STX11: variants seen among roughly 807,000 people sequenced by gnomAD.
STX11 encodes the protein syntaxin-11.
A neutral mutation model predicts 19.9 loss-of-function variants in STX11; 21 were observed. That is an observed-to-expected ratio of 1.06 (90% CI 0.75 to 1.52). The LOEUF is 1.52. Among genes scored for constraint, STX11 ranks in the 40% most tolerant of loss-of-function variants. The probability of loss-of-function intolerance (pLI) is 0.00; values close to 1 mark genes in which losing one functional copy is unlikely to be tolerated. For synonymous variants in STX11, 193 were observed against 174.4 expected (o/e 1.11, Z -0.84); for missense variants, 438 against 405.9 (o/e 1.08, Z -0.68).
upstream of STX11, among the ~76,000 whole-genome samples, chr6:144,146,348 A>G (rs771221050): frequency 1.3e-5 from 2 of 152,232 alleles, no homozygotes; most frequent in Non-Finnish European, 2.9e-5. This position sits in a 1 kb window ranked among gnomAD's most constrained non-coding sequence, Gnocchi z 4.4. Context: ...GGGAGAGCCA[A>G]GGTCTCCAGA....
chr6:144,179,401 T>C (rs1354913156), intron 1 of STX11, among the ~76,000 whole-genome samples: 2 of 152,184 alleles, frequency 1.3e-5, no homozygotes, highest in Non-Finnish European at 2.9e-5. Context: ...TTTTACTCAG[T>C]TGAGTGAAAT....
At position 144,160,547 on chromosome 6, in the gene STX11, T is replaced by C. The variant is rs1306710775; in HGVS notation, c.-6+9844T>C. Reference sequence around the variant, plus strand: ...GTAAGAACCTATTTCTTGTTTAACCTGACATCACAAAGCAAATAGGCCAAG... The same window carrying C: ...GTAAGAACCTATTTCTTGTTTAACCCGACATCACAAAGCAAATAGGCCAAG... On this transcript the variant is annotated intron_variant, in intron 1 of 1. Coordinates refer to ENST00000367568, the MANE Select transcript of STX11 (RefSeq NM_003764.4). The surrounding 1 kb of genome is among the most constrained non-coding windows in gnomAD (Gnocchi z 4.3). Among the ~76,000 whole-genome samples the C allele has an allele frequency of 6.6e-6, 1 of 152,222 alleles. No individual in the cohort carries two copies. The highest frequency in any genetic ancestry group is 1.9e-4 in the East Asian group (1 of 5,204).
chr6:144,182,518 C>T lies in STX11; in HGVS notation c.-5-4105C>T, dbSNP rs1390436495. Among the ~76,000 whole-genome samples the T allele has an allele frequency of 6.6e-6, 1 of 152,154 alleles. No individual in the cohort carries two copies. The highest frequency in any genetic ancestry group is 2.4e-5 in the African/African-American group (1 of 41,434). On this transcript the variant is annotated intron_variant, in intron 1 of 1. Coordinates refer to ENST00000367568, the MANE Select transcript of STX11 (RefSeq NM_003764.4). The surrounding 1 kb of genome is among the most constrained non-coding windows in gnomAD (Gnocchi z 4.8). ...TTGCGCCTTCACATGAGCTTGGGCC[C>T]TTACCTGATTTATAATTTGCTATCT...
At position 144,176,798 on chromosome 6, in the gene STX11, T is replaced by C. The variant is rs113774057; in HGVS notation, c.-5-9825T>C. On this transcript the variant is annotated intron_variant, in intron 1 of 1. Transcript: ENST00000367568. This position sits in a 1 kb window ranked among gnomAD's most constrained non-coding sequence, Gnocchi z 4.1. Reference sequence around the variant, plus strand: ...CCCTGTTTTTTAAAAAGCAAGGAAGTGTGTCCAGGCATTTTAGAAGAGGAT... The same window carrying C: ...CCCTGTTTTTTAAAAAGCAAGGAAGCGTGTCCAGGCATTTTAGAAGAGGAT... Among the ~76,000 whole-genome samples the C allele has an allele frequency of 0.015, 2,259 of 152,236 alleles. 46 individuals carry two copies. The highest frequency in any genetic ancestry group is 0.049 in the African/African-American group (2,051 of 41,536).
intron 1 of STX11, among the ~76,000 whole-genome samples, chr6:144,166,198 G>A (rs554094859): frequency 2.0e-5 from 3 of 152,324 alleles, no homozygotes; most frequent in Admixed American, 6.5e-5. Context: ...GGTGGTGGGG[G>A]TGAGGGGAAT....
chr6:144,156,024 C>CTCCTTCCTTCCTTCCT lies in STX11; in HGVS notation c.-6+5333_-6+5348dup, dbSNP rs1240238433. Reference sequence around the variant, plus strand: ...TTTCTTTCTTTCTTTCTCTCTTTCTCTCCTTCCTTCCTTCCTTCCTTCCTT... The same window carrying CTCCTTCCTTCCTTCCT: ...TTTCTTTCTTTCTTTCTCTCTTTCTCTCCTTCCTTCCTTCCTTCCTTCCTTCCTTCCTTCCTTCCTT... On this transcript the variant is annotated intron_variant, in intron 1 of 1. Coordinates refer to ENST00000367568, the MANE Select transcript of STX11 (RefSeq NM_003764.4). 9.7e-5 allele frequency among the ~76,000 whole-genome samples: 10 copies of CTCCTTCCTTCCTTCCT among 102,848 alleles called. 1 individual carries two copies. Among genetic ancestry groups the CTCCTTCCTTCCTTCCT allele is most frequent in the African/African-American group, 4.7e-4 (8 of 16,988 alleles). 67.5% of individuals were successfully genotyped at this position (102,848 alleles called of 152,430 possible). A position where few individuals can be genotyped will look rare whatever the true frequency, so the allele number is the denominator to read the frequency against.
rs1230574378 is a variant in STX11, at chr6:144,184,408, G to A, written c.-5-2215G>A. Among the ~76,000 whole-genome samples, 1 of 152,140 alleles carries A rather than the reference G, an allele frequency of 6.6e-6. No homozygotes were observed. Among genetic ancestry groups the A allele is most frequent in the Non-Finnish European group, 1.5e-5 (1 of 68,016 alleles). On this transcript the variant is annotated intron_variant, in intron 1 of 1. Transcript: ENST00000367568. This position sits in a 1 kb window ranked among gnomAD's most constrained non-coding sequence, Gnocchi z 6.5. ...GTCACCATTCTGACTGGCATGAGAT[G>A]GAATTACCAGTATGTTTTGAGAGTT...
rs1030845886 is a variant in STX11, at chr6:144,177,833, G to T, written c.-5-8790G>T. On this transcript the variant is annotated intron_variant, in intron 1 of 1. Transcript: ENST00000367568. This position sits in a 1 kb window ranked among gnomAD's most constrained non-coding sequence, Gnocchi z 4.4. Reference sequence around the variant, plus strand: ...CTGACTGTAAAATTTACATCTCCAAGTGTCTGTATTCTGTTATTTCAGAGA... The same window carrying T: ...CTGACTGTAAAATTTACATCTCCAATTGTCTGTATTCTGTTATTTCAGAGA... Among the ~76,000 whole-genome samples the T allele has an allele frequency of 6.6e-6, 1 of 152,166 alleles. No homozygotes were observed. The highest frequency in any genetic ancestry group is 1.9e-4 in the East Asian group (1 of 5,190).
chr6:144,144,703 G>A, the STX11 span, among the ~76,000 whole-genome samples: 2 of 152,136 alleles, frequency 1.3e-5, no homozygotes, highest in Non-Finnish European at 2.9e-5. Flanking sequence ...GATTTAATTA[G>A]CCATATGTGG....
chr6:144,182,980 A>G lies in STX11; in HGVS notation c.-5-3643A>G, dbSNP rs939923752. 4.6e-5 allele frequency among the ~76,000 whole-genome samples: 7 copies of G among 152,256 alleles called. No individual in the cohort carries two copies. Among genetic ancestry groups the G allele is most frequent in the Middle Eastern group, 3.2e-3 (1 of 316 alleles). ...GCAAACTAGCTAATGTGCTTTCCCC[A>G]GGTAGCATAAAATGTTAACTTGATT... is the stretch of plus-strand genomic sequence containing the variant. On this transcript the variant is annotated intron_variant, in intron 1 of 1. Transcript: ENST00000367568. The surrounding 1 kb of genome is among the most constrained non-coding windows in gnomAD (Gnocchi z 4.8).
chr6:144,146,630 G>A (rs1800878857), upstream of STX11, among the ~76,000 whole-genome samples: 1 of 151,982 alleles, frequency 6.6e-6, no homozygotes, highest in Non-Finnish European at 1.5e-5. This position sits in a 1 kb window ranked among gnomAD's most constrained non-coding sequence, Gnocchi z 4.4. Context: ...TAATTTCATT[G>A]ATAAAATATG....
Position 144,155,250 on chromosome 6 carries a change from A to G in STX11, c.-6+4547A>G, listed in dbSNP as rs1801106382. Among the ~76,000 whole-genome samples the G allele has an allele frequency of 6.6e-6, 1 of 152,206 alleles. No individual in the cohort carries two copies. Among genetic ancestry groups the G allele is most frequent in the Admixed American group, 6.5e-5 (1 of 15,276 alleles). On this transcript the variant is annotated intron_variant, in intron 1 of 1. Coordinates refer to ENST00000367568, the MANE Select transcript of STX11 (RefSeq NM_003764.4). This position sits in a 1 kb window ranked among gnomAD's most constrained non-coding sequence, Gnocchi z 4.5. Reference sequence around the variant, plus strand: ...CCCAATTAATGTTGTACCCAAACTGAATCAGCAAACTCACTTATTGAAGCT... The same window carrying G: ...CCCAATTAATGTTGTACCCAAACTGGATCAGCAAACTCACTTATTGAAGCT...
chr6:144,160,191 G>C lies in STX11; in HGVS notation c.-6+9488G>C, dbSNP rs897412319. ...CTAATTTTTGTATTTTTTTAGTAGA[G>C]ACGGGGTTTCACTATATTTGGCCAG... is the stretch of plus-strand genomic sequence containing the variant. On this transcript the variant is annotated intron_variant, in intron 1 of 1. Transcript: ENST00000367568. This position sits in a 1 kb window ranked among gnomAD's most constrained non-coding sequence, Gnocchi z 4.3. Among the ~76,000 whole-genome samples, 16 of 152,070 alleles carry C rather than the reference G, an allele frequency of 1.1e-4. No homozygotes were observed. Among genetic ancestry groups the C allele is most frequent in the African/African-American group, 3.6e-4 (15 of 41,398 alleles).
Position 144,169,634 on chromosome 6 carries a change from T to A in STX11, c.-5-16989T>A, listed in dbSNP as rs979108526. ...TTTCCTCCCTCCTCCCCTTCCTTTT[T>A]TCTCTCCTTTTCTTTTCCCTCCCTC... On this transcript the variant is annotated intron_variant, in intron 1 of 1. Transcript: ENST00000367568. This position sits in a 1 kb window ranked among gnomAD's most constrained non-coding sequence, Gnocchi z 5.2. Among the ~76,000 whole-genome samples, 2 of 151,964 alleles carry A rather than the reference T, an allele frequency of 1.3e-5. No homozygotes were observed. Among genetic ancestry groups the A allele is most frequent in the African/African-American group, 4.8e-5 (2 of 41,368 alleles).
In STX11 at chr6:144,155,970, CTT is replaced by C. The variant is rs1256499306; in HGVS notation, c.-6+5269_-6+5270del. On this transcript the variant is annotated intron_variant, in intron 1 of 1. Transcript: ENST00000367568. This position sits in a 1 kb window ranked among gnomAD's most constrained non-coding sequence, Gnocchi z 4.5. ...TCTTTCTTTCTTTCTTTCTTTCTTTCTTTCTTTCTTTCTTTCTTTCTTTCTTT... is the reference window on the plus strand; with the variant it reads ...TCTTTCTTTCTTTCTTTCTTTCTTTCTCTTTCTTTCTTTCTTTCTTTCTTT... Among the ~76,000 whole-genome samples, 159 of 128,918 alleles carry C rather than the reference CTT, an allele frequency of 1.2e-3. 2 individuals carry two copies. The highest frequency in any genetic ancestry group is 2.0e-3 in the Non-Finnish European group (130 of 65,768). 84.6% of individuals were successfully genotyped at this position (128,918 alleles called of 152,430 possible).
At chr6:144,179,692 T>C (rs1334001319) in intron 1 of STX11, among the ~76,000 whole-genome samples, 1 of 152,234 alleles carries the variant, frequency 6.6e-6, no homozygotes, top group Non-Finnish European at 1.5e-5. Context: ...ATGCATGCCC[T>C]TGGGCAGGGC....
chr6:144,181,237 C>T (rs988620463), intron 1 of STX11, among the ~76,000 whole-genome samples: 4 of 152,046 alleles, frequency 2.6e-5, no homozygotes, highest in Admixed American at 6.6e-5. Context: ...TTTTGCTCAT[C>T]GAGATTGCCC....
chr6:144,155,209 T>C lies in STX11; in HGVS notation c.-6+4506T>C, dbSNP rs1022053107. On this transcript the variant is annotated intron_variant, in intron 1 of 1. Coordinates refer to ENST00000367568, the MANE Select transcript of STX11 (RefSeq NM_003764.4). The surrounding 1 kb of genome is among the most constrained non-coding windows in gnomAD (Gnocchi z 4.5). The stretch of plus-strand genomic sequence containing the variant: ...CCTCAAAGACCTCGACTTTGGACCA[T>C]GTAAGGTTTAAAACGCCCAATTAAT... Among the ~76,000 whole-genome samples the C allele has an allele frequency of 6.6e-6, 1 of 152,172 alleles. No individual in the cohort carries two copies. The highest frequency in any genetic ancestry group is 2.4e-5 in the African/African-American group (1 of 41,436).
rs1562672881 is a variant in STX11 at position 144,189,002 on chromosome 6, AG to A, written c.*1513del. Among the ~76,000 whole-genome samples, 1 of 152,026 alleles carries A rather than the reference AG, an allele frequency of 6.6e-6. No individual in the cohort carries two copies. ...CAGCCTCCCATAGTGCTGGGATTAC[AG>A]GTGTGAGCCACCATGCCTGGCCTTT... On this transcript the variant is annotated 3_prime_UTR_variant, in exon 2 of 2. Transcript: ENST00000367568.
Sources: allele counts gnomAD v4.1 joint callset (sites outside exome capture counted in the v4.1 genomes callset), GRCh38; gene constraint gnomAD v4.1.1; non-coding constraint Gnocchi (gnomAD v3.1); transcripts MANE v1.5; gene names NCBI Gene and HGNC (gene_info 2026-07-23, HGNC 2026-07-21).